Variants in XPNPEP1 observed in about 807,000 individuals in gnomAD.
The protein encoded by XPNPEP1 is xaa-Pro aminopeptidase 1.
Under a neutral mutation model 92.4 loss-of-function variants are expected in XPNPEP1, and 39 were observed. That is an observed-to-expected ratio of 0.42 (90% CI 0.33 to 0.55). The LOEUF (loss-of-function observed/expected upper bound fraction) is 0.55, where lower values mean the gene tolerates loss of function less well. Among genes scored for constraint, XPNPEP1 ranks in the 20% least tolerant of loss-of-function variants. The probability of loss-of-function intolerance (pLI) is 0.08; values close to 1 mark genes in which losing one functional copy is unlikely to be tolerated. For synonymous variants in XPNPEP1, 307 were observed against 299.4 expected (o/e 1.03, Z -0.26); for missense variants, 654 against 856.1 (o/e 0.76, Z 2.95).
Position 109,907,709 on chromosome 10 carries a change from T to A in XPNPEP1, c.228A>T (p.Pro76=), listed in dbSNP as rs763295742. Residue 76 remains proline (P), a synonymous_variant, in exon 3 of 21, where the codon CCA becomes CCT. Coordinates refer to ENST00000502935, the MANE Select transcript of XPNPEP1 (RefSeq NM_020383.4). The part of the protein sequence containing the change: ...VTEPIQAYII[P]SGDAHQSEYI... ...GCAGTACCTGATGAGCATCTCCCGATGGGATGATGTAGGCCTGGATCGGTT... is the reference window on the plus strand; with the variant it reads ...GCAGTACCTGATGAGCATCTCCCGAAGGGATGATGTAGGCCTGGATCGGTT... 1.2e-6 allele frequency: 2 copies of A among 1,614,136 alleles called. No homozygotes were observed. The highest frequency in any genetic ancestry group is 1.7e-6 in the Non-Finnish European group (2 of 1,180,026).
chr10:109,909,187 C>T lies in XPNPEP1; in HGVS notation c.122-1372G>A, dbSNP rs986004186. Among the ~76,000 whole-genome samples, 5 of 152,250 alleles carry T rather than the reference C, an allele frequency of 3.3e-5. No individual in the cohort carries two copies. The East Asian group carries it at 7.7e-4, about 24-fold the overall frequency. ...TCAGGAGGCTGAGGCAGGAGAATGGCGTGAACCCGGGAGGCAGAGCTTGCA... is the reference window on the plus strand; with the variant it reads ...TCAGGAGGCTGAGGCAGGAGAATGGTGTGAACCCGGGAGGCAGAGCTTGCA... On this transcript the variant is annotated intron_variant, in intron 2 of 20. Coordinates refer to ENST00000502935, the MANE Select transcript of XPNPEP1 (RefSeq NM_020383.4).
chr10:109,905,578 G>A (rs1187614101), intron 3 of XPNPEP1, among the ~76,000 whole-genome samples: 3 of 152,108 alleles, frequency 2.0e-5, no homozygotes, highest in Admixed American at 6.5e-5. Context: ...GAGACTGGGA[G>A]GAGCTGTTTA....
rs554334198 is a variant in XPNPEP1 at position 109,922,727 on chromosome 10, A to G, written c.32+675T>C. ...GTCTCCCACTTTGTCAGAGGCTCTGATAAGTACATCCTGGTTATGGCAGGG... is the reference window on the plus strand; with the variant it reads ...GTCTCCCACTTTGTCAGAGGCTCTGGTAAGTACATCCTGGTTATGGCAGGG... On this transcript the variant is annotated intron_variant, in intron 1 of 20. Coordinates refer to ENST00000502935, the MANE Select transcript of XPNPEP1 (RefSeq NM_020383.4). Among the ~76,000 whole-genome samples, 58 of 152,362 alleles carry G rather than the reference A, an allele frequency of 3.8e-4. 1 individual carries two copies. Among genetic ancestry groups the G allele is most frequent in the South Asian group, 8.3e-4 (4 of 4,830 alleles).
chr10:109,906,696 C>A (rs566704770), intron 3 of XPNPEP1, among the ~76,000 whole-genome samples: 1 of 152,194 alleles, frequency 6.6e-6, no homozygotes, highest in Non-Finnish European at 1.5e-5. Context: ...CTTCCCTGGT[C>A]TCTTGCCAGG....
chr10:109,918,914 A>G (rs1259631717), intron 1 of XPNPEP1, among the ~76,000 whole-genome samples: 2 of 144,542 alleles, frequency 1.4e-5, no homozygotes, highest in Non-Finnish European at 1.5e-5. Context: ...GAAGGAAGGA[A>G]GGAGAGAGAG....
chr10:109,895,710 C>T (rs1198827780), intron 3 of XPNPEP1, among the ~76,000 whole-genome samples: 3 of 152,238 alleles, frequency 2.0e-5, no homozygotes, highest in African/African-American at 7.2e-5. Context: ...AAAGCTGTAG[C>T]ATGCTAGGAA....
intron 20 of XPNPEP1, 119 bp downstream of exon 20, chr10:109,868,495 A>T (rs1016554436): frequency 1.0e-6 from 1 of 963,316 alleles, no homozygotes; most frequent in Non-Finnish European, 1.6e-6. Flanking sequence ...CTCTAAATTT[A>T]AAAATTACAA....
At chr10:109,904,470 C>T (rs1849449448) in intron 3 of XPNPEP1, among the ~76,000 whole-genome samples, 1 of 151,952 alleles carries the variant, frequency 6.6e-6, no homozygotes, top group Admixed American at 6.6e-5. Flanking sequence ...GAGTCTCCCA[C>T]CCCGCCCCTG....
At chr10:109,878,080 A>G (rs748216131) in intron 12 of XPNPEP1, 22 bp from the exon 13 acceptor site, 13 of 1,613,998 alleles carry the variant, frequency 8.1e-6, no homozygotes, top group Non-Finnish European at 1.1e-5. Flanking sequence ...TTGCTTATAA[A>G]TCATCTGGTG....
rs139777728 is a variant in XPNPEP1, at chr10:109,910,961, T to C, written c.122-3146A>G. 3.2e-4 allele frequency among the ~76,000 whole-genome samples: 48 copies of C among 152,364 alleles called. 1 individual carries two copies. In the Middle Eastern group the frequency reaches 0.017, roughly 54 times the overall value. ...AAACCCTGCTGGGCATAGGTCCTTT[T>C]TGGATCTTTTTCTTTAACATACTCA... On this transcript the variant is annotated intron_variant, in intron 2 of 20. Transcript: ENST00000502935.
At chr10:109,915,351 C>T (rs1450217657) in intron 1 of XPNPEP1, among the ~76,000 whole-genome samples, 1 of 152,198 alleles carries the variant, frequency 6.6e-6, no homozygotes, top group Non-Finnish European at 1.5e-5. Context: ...TTTAACTAGA[C>T]TAAGAAGACT....
chr10:109,888,435 T>C, intron 6 of XPNPEP1, 68 bp downstream of exon 6: 1 of 1,465,822 alleles, frequency 6.8e-7, no homozygotes, highest in Non-Finnish European at 9.3e-7. Context: ...CACAAGCAAA[T>C]GAGGAGAATG....
rs142566295 is a variant in XPNPEP1, at chr10:109,890,264, G to A, written c.415+1458C>T. On this transcript the variant is annotated intron_variant, in intron 5 of 20. Transcript: ENST00000502935. ...CTAACAGACTTAAGAGCTGGAATCCGTGGGCCCCAAAGAGAGATGCCTGCT... is the reference window on the plus strand; with the variant it reads ...CTAACAGACTTAAGAGCTGGAATCCATGGGCCCCAAAGAGAGATGCCTGCT... Among the ~76,000 whole-genome samples the A allele has an allele frequency of 1.3e-3, 194 of 152,258 alleles. 1 individual carries two copies. The East Asian group carries it at 0.018, about 14-fold the overall frequency.
intron 8 of XPNPEP1, among the ~76,000 whole-genome samples, chr10:109,885,784 C>T (rs901753908): frequency 2.0e-5 from 3 of 152,224 alleles, no homozygotes; most frequent in Admixed American, 6.5e-5. Flanking sequence ...TGAGAAACTA[C>T]TATTACATCA....
chr10:109,901,063 G>C (rs1343689149), intron 3 of XPNPEP1, among the ~76,000 whole-genome samples: 2 of 152,150 alleles, frequency 1.3e-5, no homozygotes, highest in African/African-American at 4.8e-5. Context: ...ACTGGATTCA[G>C]AAAATGTGGC....
intron 3 of XPNPEP1, among the ~76,000 whole-genome samples, chr10:109,904,706 G>C (rs1849461572): frequency 6.6e-6 from 1 of 152,094 alleles, no homozygotes; most frequent in Non-Finnish European, 1.5e-5. Flanking sequence ...TAACCATCAG[G>C]TAATGCAAAT....
chr10:109,899,553 T>G (rs1421808064), intron 3 of XPNPEP1, among the ~76,000 whole-genome samples: 1 of 152,220 alleles, frequency 6.6e-6, no homozygotes, highest in Non-Finnish European at 1.5e-5. Flanking sequence ...GCTAGCATTA[T>G]TCTAACACAA....
chr10:109,894,369 A>G (rs1007570708), intron 3 of XPNPEP1, among the ~76,000 whole-genome samples: 4 of 151,948 alleles, frequency 2.6e-5, no homozygotes, highest in African/African-American at 9.7e-5. Flanking sequence ...CATGTCTACA[A>G]AAAATACAAT....
chr10:109,896,402 C>G (rs1307066993), intron 3 of XPNPEP1, among the ~76,000 whole-genome samples: 1 of 148,220 alleles, frequency 6.7e-6, no homozygotes, highest in Non-Finnish European at 1.5e-5. Flanking sequence ...CCTCAATCTT[C>G]TCAATAGCTG....
Sources: allele counts gnomAD v4.1 joint callset (sites outside exome capture counted in the v4.1 genomes callset), GRCh38; gene constraint gnomAD v4.1.1; transcripts MANE v1.5; gene names NCBI Gene and HGNC (gene_info 2026-07-23, HGNC 2026-07-21).